The following COL28A1 variants were observed in gnomAD, a reference collection of about 807,000 sequenced individuals.
COL28A1 encodes the protein collagen type XXVIII alpha 1 chain.
In COL28A1, 161 loss-of-function variants were observed where a neutral mutation model predicts 150.2. The ratio of observed to expected loss-of-function variants is 1.07; its 90% CI spans 0.94 to 1.22. The LOEUF is 1.22. Among genes scored for constraint, COL28A1 ranks in the 50% most tolerant of loss-of-function variants. The pLI is 0.00. For missense variants in COL28A1, 1,617 were observed against 1,388.3 expected, an observed-to-expected ratio of 1.16 and a Z score of -2.62; for synonymous variants, 552 against 469.7, an observed-to-expected ratio of 1.18 and a Z score of -2.26.
At chr7:7,446,150 G>A (rs1786244613) in intron 18 of COL28A1, among the ~76,000 whole-genome samples, 1 of 152,052 alleles carries the variant, frequency 6.6e-6, no homozygotes, top group Middle Eastern at 3.2e-3. Context: ...GAGCCACCGT[G>A]CCTGGCCAGT....
intron 27 of COL28A1, 40 bp downstream of exon 27, chr7:7,417,819 T>G: frequency 2.6e-6 from 4 of 1,546,190 alleles, no homozygotes; most frequent in Non-Finnish European, 3.6e-6. Flanking sequence ...ATCACTCTGG[T>G]GAAATCAGAG....
In COL28A1 at chr7:7,417,523, GGGGAGGGAGGGA is replaced by G. The variant is rs1312227212; in HGVS notation, c.2136+324_2136+335del. 1,163 of 153,362 alleles carry G rather than the reference GGGGAGGGAGGGA, an allele frequency of 7.6e-3. 1 individual carries two copies. Among genetic ancestry groups the G allele is most frequent in the Middle Eastern group, 0.013 (7 of 550 alleles). The allele number at this position is 153,362 out of a possible 1,614,324, so 9.5% of individuals were successfully genotyped here. A position where few individuals can be genotyped will look rare whatever the true frequency, so the allele number is the denominator to read the frequency against. Reference sequence around the variant, plus strand: ...AGGGAGGGGGAGGGAAGGAGGGAGGGGGGAGGGAGGGAGGGAGGGGGGGGGGAGAGAGAGAGA... The same window carrying G: ...AGGGAGGGGGAGGGAAGGAGGGAGGGGGGAGGGGGGGGGGAGAGAGAGAGA... On this transcript the variant is annotated intron_variant, in intron 27 of 34. Coordinates refer to ENST00000399429, the MANE Select transcript of COL28A1 (RefSeq NM_001037763.3).
chr7:7,510,519 A>G (rs894179459), intron 9 of COL28A1, among the ~76,000 whole-genome samples: 14 of 152,326 alleles, frequency 9.2e-5, no homozygotes, highest in South Asian at 2.1e-4. Flanking sequence ...TCCTGACCTC[A>G]GGTGATCCAC....
At chr7:7,489,152 T>G (rs182183898) in intron 13 of COL28A1, among the ~76,000 whole-genome samples, 1 of 152,220 alleles carries the variant, frequency 6.6e-6, no homozygotes, top group Admixed American at 6.5e-5. Flanking sequence ...GCACTTGTAG[T>G]CCCAGCTAAT....
the COL28A1 span, among the ~76,000 whole-genome samples, chr7:7,542,870 G>A: frequency 3.3e-5 from 5 of 152,100 alleles, no homozygotes; most frequent in African/African-American, 1.2e-4. Context: ...GCAAAGTGAA[G>A]AAGTCTAAGA....
chr7:7,479,611 A>C (rs1161122535), intron 13 of COL28A1, among the ~76,000 whole-genome samples: 1 of 152,226 alleles, frequency 6.6e-6, no homozygotes, highest in Non-Finnish European at 1.5e-5. Flanking sequence ...TTGAACCCAC[A>C]GGCAGTTTTA....
chr7:7,406,498 G>A (rs1583304229), intron 27 of COL28A1, among the ~76,000 whole-genome samples: 1 of 152,094 alleles, frequency 6.6e-6, no homozygotes, highest in East Asian at 1.9e-4. Flanking sequence ...CTTTGAGAAG[G>A]CAGATAATCA....
chr7:7,386,821 T>C (rs1226364601), intron 27 of COL28A1, among the ~76,000 whole-genome samples: 3 of 152,154 alleles, frequency 2.0e-5, no homozygotes, highest in Non-Finnish European at 4.4e-5. Flanking sequence ...TGTGCTGCTA[T>C]AACAAAATAC....
rs889797290 is a variant in COL28A1, at chr7:7,360,969, T to G, written c.3067-441A>C. Among the ~76,000 whole-genome samples, 4 of 152,210 alleles carry G rather than the reference T, an allele frequency of 2.6e-5. No individual in the cohort carries two copies. The East Asian group carries it at 5.8e-4, about 22-fold the overall frequency. On this transcript the variant is annotated intron_variant, in intron 33 of 34. Transcript: ENST00000399429. Reference sequence around the variant, plus strand: ...TTCCTAACACTAGACGTCTTAACAATATATTCCAAAATATTTACCATGAAC... The same window carrying G: ...TTCCTAACACTAGACGTCTTAACAAGATATTCCAAAATATTTACCATGAAC...
intron 22 of COL28A1, among the ~76,000 whole-genome samples, 183 bp from the exon 23 acceptor site, chr7:7,436,646 G>C (rs185450467): frequency 6.6e-6 from 1 of 152,290 alleles, no homozygotes; most frequent in East Asian, 1.9e-4. Flanking sequence ...ACACCTGTCA[G>C]TAAAGACTAT....
At position 7,419,953 on chromosome 7, in the gene COL28A1, C is replaced by A; in HGVS notation, c.1999G>T (p.Gly667Ter). ...GGAGGGCCTCTGACCCCAGGCTCTC[C>A]CTGAAAAGACACAACAAATAACAAG... ...LRGVGDTGAK[G>*]EPGVRGPPGP... Residue 667 changes from glycine (G) to a stop codon, truncating the protein, a stop_gained and splice_region_variant, in exon 26 of 35, where the codon GGA becomes TGA. Transcript: ENST00000399429. LOFTEE classifies it high-confidence loss of function. The A allele has an allele frequency of 6.3e-7, 1 of 1,580,436 alleles. No homozygotes were observed. The highest frequency in any genetic ancestry group is 1.2e-5 in the South Asian group (1 of 84,588).
At chr7:7,394,532 G>C (rs1375256408) in intron 27 of COL28A1, among the ~76,000 whole-genome samples, 1 of 152,226 alleles carries the variant, frequency 6.6e-6, no homozygotes, top group Non-Finnish European at 1.5e-5. Flanking sequence ...GTTGAAAGCT[G>C]TATTTTCTGC....
At chr7:7,518,366 T>C (rs1279033955) in intron 6 of COL28A1, among the ~76,000 whole-genome samples, 3 of 152,112 alleles carry the variant, frequency 2.0e-5, no homozygotes, top group Non-Finnish European at 2.9e-5. Context: ...TGAGTGAGTA[T>C]AGGGTTGTTT....
chr7:7,378,742 C>G (rs1425296707), intron 30 of COL28A1, among the ~76,000 whole-genome samples: 2 of 152,158 alleles, frequency 1.3e-5, no homozygotes, highest in African/African-American at 4.8e-5. Context: ...GGCGTAATGT[C>G]CAACCTGACT....
chr7:7,404,686 C>T (rs976101622), intron 27 of COL28A1, among the ~76,000 whole-genome samples: 1 of 152,074 alleles, frequency 6.6e-6, no homozygotes, highest in African/African-American at 2.4e-5. Flanking sequence ...TTCTAACCCC[C>T]TACCGTGCTC....
chr7:7,407,824 G>C (rs954721443), intron 27 of COL28A1, among the ~76,000 whole-genome samples: 23 of 152,094 alleles, frequency 1.5e-4, no homozygotes, highest in African/African-American at 4.6e-4. Flanking sequence ...CTTAAAAACT[G>C]ATTAAAATGT....
intron 15 of COL28A1, among the ~76,000 whole-genome samples, chr7:7,466,239 C>G (rs1206518687): frequency 1.6e-5 from 2 of 122,830 alleles, no homozygotes; most frequent in African/African-American, 6.6e-5. Flanking sequence ...ACTAGAATAA[C>G]CAATACAGAG....
At chr7:7,457,314 A>C (rs968594968) in intron 15 of COL28A1, among the ~76,000 whole-genome samples, 1 of 152,090 alleles carries the variant, frequency 6.6e-6, no homozygotes, top group African/African-American at 2.4e-5. Context: ...GAATGTTGAG[A>C]GTGGAGGTGG....
At chr7:7,400,975 G>GGTGGGTGTGT (rs1554264683) in intron 27 of COL28A1, among the ~76,000 whole-genome samples, 2 of 119,128 alleles carry the variant, frequency 1.7e-5, no homozygotes, top group South Asian at 3.1e-4. Flanking sequence ...TGGGTATTTG[G>GGTGGGTGTGT]GTGTGTGTGT....
Sources: allele counts gnomAD v4.1 joint callset (sites outside exome capture counted in the v4.1 genomes callset), GRCh38; gene constraint gnomAD v4.1.1; transcripts MANE v1.5; gene names NCBI Gene and HGNC (gene_info 2026-07-23, HGNC 2026-07-21).